The following TMEM164 variants were observed in gnomAD, a reference collection of about 807,000 sequenced individuals.
TMEM164 encodes the protein RP13-360B22.2.
In TMEM164, 4 loss-of-function variants were observed where a neutral mutation model predicts 18.8. That is an observed-to-expected ratio of 0.21 (90% CI 0.10 to 0.49). TMEM164 has a LOEUF of 0.49. TMEM164 is among the 20% of genes least tolerant of loss of function. The pLI, the probability that TMEM164 is intolerant of heterozygous loss-of-function variation, is 0.98. For missense variants in TMEM164, 108 were observed against 239.9 expected (o/e 0.45, Z 3.63); for synonymous variants, 86 against 101.7 (o/e 0.85, Z 0.93).
chrX:110,152,766 C>A (rs1321234293), intron 5 of TMEM164, among the ~76,000 whole-genome samples: 3 of 111,493 alleles, frequency 2.7e-5, no homozygotes, highest in African/African-American at 9.8e-5. Context: ...AAGCCTTGCA[C>A]ATCTCTTCCC....
intron 3 of TMEM164, among the ~76,000 whole-genome samples, chrX:110,095,042 AG>A (rs2065993147): frequency 8.9e-6 from 1 of 112,235 alleles, no homozygotes; most frequent in Non-Finnish European, 1.9e-5. Context: ...TTCTGCCGCA[AG>A]ATCTGCTGTT....
At chrX:110,115,062 G>A (rs1237766072) in intron 4 of TMEM164, among the ~76,000 whole-genome samples, 1 of 111,488 alleles carries the variant, frequency 9.0e-6, no homozygotes, top group Non-Finnish European at 1.9e-5. Context: ...CATTACTGGG[G>A]TGTCTAGCCT....
chrX:110,140,505 A>G (rs1028150249), intron 4 of TMEM164, among the ~76,000 whole-genome samples: 2 of 111,549 alleles, frequency 1.8e-5, no homozygotes, highest in African/African-American at 3.3e-5. Flanking sequence ...AGTGGTCTCC[A>G]TGGCAGAGGA....
At chrX:110,159,741 T>C (rs2067067511) in intron 5 of TMEM164, among the ~76,000 whole-genome samples, 1 of 111,251 alleles carries the variant, frequency 9.0e-6, no homozygotes, top group African/African-American at 3.3e-5. Context: ...GAAGCAATAA[T>C]GGAGGGCTAG....
At chrX:110,055,623 G>A (rs746707116) in intron 2 of TMEM164, among the ~76,000 whole-genome samples, 1 of 111,632 alleles carries the variant, frequency 9.0e-6, no homozygotes, top group Admixed American at 9.5e-5. Context: ...GGAGAACTAC[G>A]TACCTTCGTT....
At chrX:110,123,091 G>A (rs1182282235) in intron 4 of TMEM164, among the ~76,000 whole-genome samples, 1 of 111,754 alleles carries the variant, frequency 8.9e-6, no homozygotes. Context: ...ATCTTTATGT[G>A]TAGTGTGAGG....
chrX:110,020,710 C>G (rs968538737), intron 2 of TMEM164: 4 of 748,991 alleles, frequency 5.3e-6, no homozygotes, highest in Non-Finnish European at 3.2e-6. Flanking sequence ...GCCAGCCACC[C>G]CACCCACTTT....
At chrX:110,020,470 C>G in intron 2 of TMEM164, 1 of 753,315 alleles carries the variant, frequency 1.3e-6, no homozygotes. Flanking sequence ...AGGAGAGCAT[C>G]ATGCAAGCTA....
intron 3 of TMEM164, among the ~76,000 whole-genome samples, chrX:110,090,131 A>T (rs1246830340): frequency 2.7e-5 from 3 of 111,211 alleles, no homozygotes; most frequent in African/African-American, 9.8e-5. Flanking sequence ...GGGAAAAAAA[A>T]AATTCTGCAG....
intron 3 of TMEM164, among the ~76,000 whole-genome samples, chrX:110,081,091 G>T (rs1456337714): frequency 9.1e-6 from 1 of 109,939 alleles, no homozygotes; most frequent in Non-Finnish European, 1.9e-5. Flanking sequence ...ATACCATGTT[G>T]AGTTAAAAAT....
chrX:110,119,791 A>G (rs1220058115), intron 4 of TMEM164, among the ~76,000 whole-genome samples: 1 of 111,752 alleles, frequency 8.9e-6, no homozygotes, highest in Non-Finnish European at 1.9e-5. Flanking sequence ...TGTTGTTTTT[A>G]CTACTATTAC....
chrX:110,153,249 T>C lies in TMEM164; in HGVS notation c.586+8373T>C, dbSNP rs191380789. Among the ~76,000 whole-genome samples the C allele has an allele frequency of 3.6e-4, 40 of 112,368 alleles. No individual in the cohort carries two copies. The East Asian group carries it at 3.9e-3, about 11-fold the overall frequency. ...TTTTGTCATCCTCACAGTATAGTCTTTACATGCTGGTCTCCCTGAGGACAG... is the reference window on the plus strand; with the variant it reads ...TTTTGTCATCCTCACAGTATAGTCTCTACATGCTGGTCTCCCTGAGGACAG... On this transcript the variant is annotated intron_variant, in intron 5 of 6. Coordinates refer to ENST00000372068, the MANE Select transcript of TMEM164 (RefSeq NM_032227.4).
chrX:110,155,539 AC>A (rs1193196279), intron 5 of TMEM164, among the ~76,000 whole-genome samples: 53 of 109,788 alleles, frequency 4.8e-4, no homozygotes, highest in Middle Eastern at 4.7e-3. Flanking sequence ...AGAAGTTCTG[AC>A]AGTTTAAATT....
At chrX:110,117,873 C>T (rs1383698890) in intron 4 of TMEM164, among the ~76,000 whole-genome samples, 1 of 111,515 alleles carries the variant, frequency 9.0e-6, no homozygotes, top group African/African-American at 3.3e-5. Context: ...ATTTGGGTTC[C>T]AGCTTCTTAC....
intron 4 of TMEM164, among the ~76,000 whole-genome samples, chrX:110,126,995 G>A (rs1299803854): frequency 9.0e-6 from 1 of 110,748 alleles, no homozygotes; most frequent in East Asian, 2.8e-4. Flanking sequence ...TGTGCCTTAT[G>A]CCACATGCAC....
intron 5 of TMEM164, among the ~76,000 whole-genome samples, chrX:110,154,544 A>G (rs982625085): frequency 9.0e-6 from 1 of 111,420 alleles, no homozygotes; most frequent in Non-Finnish European, 1.9e-5. Flanking sequence ...CTCAGCCTCC[A>G]GAATAGCTAG....
chrX:110,021,751 G>C (rs1933878566), intron 2 of TMEM164, among the ~76,000 whole-genome samples: 1 of 112,315 alleles, frequency 8.9e-6, no homozygotes, highest in Admixed American at 9.4e-5. Flanking sequence ...GGCTGGACTA[G>C]CTAATCGCCT....
At chrX:110,135,096 T>G (rs1338034258) in intron 4 of TMEM164, among the ~76,000 whole-genome samples, 1 of 110,995 alleles carries the variant, frequency 9.0e-6, no homozygotes, top group Admixed American at 9.6e-5. Flanking sequence ...GAGCCCAAAG[T>G]CAAGATCTTC....
chrX:110,178,308 C>A (rs1449084060), downstream of TMEM164, among the ~76,000 whole-genome samples: 4 of 112,228 alleles, frequency 3.6e-5, no homozygotes, highest in Admixed American at 3.8e-4. Flanking sequence ...CCTGTTCAGG[C>A]TTTCACCTGG....
Sources: allele counts gnomAD v4.1 joint callset (sites outside exome capture counted in the v4.1 genomes callset), GRCh38; gene constraint gnomAD v4.1.1; transcripts MANE v1.5; gene names NCBI Gene and HGNC (gene_info 2026-07-23, HGNC 2026-07-21).